Variants in DAG1 observed in about 807,000 individuals in gnomAD.
DAG1 encodes dystroglycan 1, also known as dystroglycan 1 (dystrophin-associated glycoprotein 1).
DAG1 carries 8 observed loss-of-function variants against 46.1 expected under a neutral mutation model. The observed-to-expected ratio is 0.17, with a 90% confidence interval of 0.10 to 0.31. The LOEUF is 0.31. DAG1 is among the 10% of genes least tolerant of loss of function. The pLI is 1.00. For synonymous variants in DAG1, 495 were observed against 481.8 expected, an observed-to-expected ratio of 1.03 and a Z score of -0.36; for missense variants, 1,003 against 1,189.9, an observed-to-expected ratio of 0.84 and a Z score of 2.31.
intron 2 of DAG1, among the ~76,000 whole-genome samples, chr3:49,525,953 C>T (rs909700555): frequency 3.3e-5 from 5 of 152,002 alleles, no homozygotes; most frequent in East Asian, 1.9e-4. Flanking sequence ...TGGGTTCAAG[C>T]GACTCTCCTG....
chr3:49,505,107 A>G (rs1400832960), intron 1 of DAG1, among the ~76,000 whole-genome samples: 2 of 151,496 alleles, frequency 1.3e-5, no homozygotes, highest in Non-Finnish European at 2.9e-5. Flanking sequence ...CGATCCTCCC[A>G]CATAGCTGAG....
intron 1 of DAG1, among the ~76,000 whole-genome samples, chr3:49,498,076 C>T (rs2050360624): frequency 6.6e-6 from 1 of 152,164 alleles, no homozygotes; most frequent in Non-Finnish European, 1.5e-5. Flanking sequence ...GTGCTTGCCT[C>T]TCAGGGGTGG....
intron 1 of DAG1, among the ~76,000 whole-genome samples, chr3:49,475,592 TTAGAG>T (rs2106844019): frequency 6.6e-6 from 1 of 152,000 alleles, no homozygotes; most frequent in Admixed American, 6.6e-5. Flanking sequence ...AAATAGGAAT[TTAGAG>T]TAGCTTACAA....
chr3:49,487,720 G>GAC (rs2050075006), intron 1 of DAG1, among the ~76,000 whole-genome samples: 1 of 97,904 alleles, frequency 1.0e-5, no homozygotes, highest in Non-Finnish European at 2.0e-5. Context: ...TTTTGTTTGA[G>GAC]ATGGGATCGT....
chr3:49,521,285 T>G (rs1209099103), intron 2 of DAG1, among the ~76,000 whole-genome samples: 5 of 152,078 alleles, frequency 3.3e-5, no homozygotes, highest in African/African-American at 1.2e-4. Context: ...TGCCTCAGCC[T>G]CCCAAGTAGC....
chr3:49,523,167 A>G (rs2051081736), intron 2 of DAG1, among the ~76,000 whole-genome samples: 1 of 152,186 alleles, frequency 6.6e-6, no homozygotes, highest in Non-Finnish European at 1.5e-5. Flanking sequence ...TAGTAGGCAG[A>G]AATCTTTATA....
intron 1 of DAG1, among the ~76,000 whole-genome samples, chr3:49,509,403 A>C (rs1342776236): frequency 6.6e-6 from 1 of 152,208 alleles, no homozygotes; most frequent in Admixed American, 6.6e-5. Context: ...ACAGAGCAAG[A>C]ACCTTCTCTG....
intron 1 of DAG1, among the ~76,000 whole-genome samples, chr3:49,478,778 GAA>G (rs1405774959): frequency 1.6e-5 from 2 of 128,652 alleles, no homozygotes; most frequent in Admixed American, 8.0e-5. Context: ...ATAAAAAAAT[GAA>G]AAGTCTCTTG....
In DAG1 at chr3:49,533,531, C is replaced by T. The variant is rs774436484; in HGVS notation, c.*332C>T. 7 of 531,222 alleles carry T rather than the reference C, an allele frequency of 1.3e-5. No homozygotes were observed. The highest frequency in any genetic ancestry group is 1.9e-5 in the African/African-American group (1 of 52,540). The allele number at this position is 531,222 out of a possible 1,614,324, so 32.9% of individuals were successfully genotyped here. ...GGGAGCGAGGAACCATGAATGAACT[C>T]GCAGGCAGTGCCGGGCGGCCCCCTG... On this transcript the variant is annotated 3_prime_UTR_variant, in exon 3 of 3. Coordinates refer to ENST00000308775, the MANE Select transcript of DAG1 (RefSeq NM_004393.6).
At chr3:49,527,515 C>G (rs1331422959) in intron 2 of DAG1, among the ~76,000 whole-genome samples, 1 of 142,546 alleles carries the variant, frequency 7.0e-6, no homozygotes. Flanking sequence ...GAGCGAGACT[C>G]TGTCTCAAAA....
At chr3:49,478,802 CTTTTTTTTTTTTTTTTT>C (rs201202889) in intron 1 of DAG1, among the ~76,000 whole-genome samples, 23 of 76,014 alleles carry the variant, frequency 3.0e-4, no homozygotes, top group East Asian at 1.2e-3. Flanking sequence ...CGTCCCCTCC[CTTTTTTTTTTTTTTTTT>C]TTTTTTTTTT....
At chr3:49,490,867 C>G (rs1347035935) in intron 1 of DAG1, among the ~76,000 whole-genome samples, 3 of 148,954 alleles carry the variant, frequency 2.0e-5, no homozygotes, top group Admixed American at 1.3e-4. Context: ...ACAACCTGGC[C>G]TACTCCTAAA....
chr3:49,474,221 AT>A (rs1263162886), intron 1 of DAG1, among the ~76,000 whole-genome samples: 2 of 151,290 alleles, frequency 1.3e-5, no homozygotes, highest in Non-Finnish European at 2.9e-5. Flanking sequence ...CACCCGGCTG[AT>A]TTTTTTTATT....
chr3:49,482,295 A>G (rs926787936), intron 1 of DAG1, among the ~76,000 whole-genome samples: 1 of 152,170 alleles, frequency 6.6e-6, no homozygotes, highest in African/African-American at 2.4e-5. Context: ...GGAATGAGAA[A>G]GACCTGACCT....
At chr3:49,485,338 A>G (rs947222716) in intron 1 of DAG1, among the ~76,000 whole-genome samples, 2 of 152,102 alleles carry the variant, frequency 1.3e-5, no homozygotes, top group African/African-American at 2.4e-5. Flanking sequence ...GCTCACTGCA[A>G]CCTTTTGGAG....
chr3:49,493,548 T>A (rs1171499233), intron 1 of DAG1, among the ~76,000 whole-genome samples: 1 of 152,180 alleles, frequency 6.6e-6, no homozygotes, highest in African/African-American at 2.4e-5. Context: ...TCTGTGTGGC[T>A]GACAGCCTCT....
At chr3:49,502,678 G>A (rs1352127734) in intron 1 of DAG1, among the ~76,000 whole-genome samples, 11 of 134,442 alleles carry the variant, frequency 8.2e-5, no homozygotes, top group East Asian at 2.2e-4. Flanking sequence ...TTGCTCTGTC[G>A]CCTAGGCTGG....
chr3:49,513,522 T>C (rs557428616), intron 2 of DAG1, among the ~76,000 whole-genome samples: 3 of 152,238 alleles, frequency 2.0e-5, no homozygotes, highest in East Asian at 3.9e-4. Flanking sequence ...TGCCACTCTT[T>C]CCTTGCAGAG....
At chr3:49,481,989 T>C (rs1290168843) in intron 1 of DAG1, among the ~76,000 whole-genome samples, 2 of 152,218 alleles carry the variant, frequency 1.3e-5, no homozygotes, top group South Asian at 4.1e-4. Context: ...ATCGTCATCA[T>C]TTCCTAAATG....
Sources: gnomAD v4.1 joint callset for allele counts (sites outside exome capture counted in the v4.1 genomes callset) on GRCh38, gnomAD v4.1.1 for gene constraint, MANE v1.5 for transcripts, NCBI Gene and HGNC (gene_info 2026-07-23, HGNC 2026-07-21) for gene names.